RNF169: variants seen among roughly 807,000 people sequenced by gnomAD.
RNF169 encodes ring finger protein 169, also known as E3 ubiquitin-protein ligase RNF169.
Under a neutral mutation model 53.9 loss-of-function variants are expected in RNF169, and 24 were observed. The observed-to-expected ratio is 0.45, with a 90% CI of 0.32 to 0.63. The LOEUF (loss-of-function observed/expected upper bound fraction) is 0.63. Among genes scored for constraint, RNF169 ranks in the 20% least tolerant of loss-of-function variants. The pLI, the probability that RNF169 is intolerant of heterozygous loss-of-function variation, is 0.04. For synonymous variants in RNF169, 396 were observed against 363.5 expected, an observed-to-expected ratio of 1.09 and a Z score of -1.02; for missense variants, 883 against 906.2, an observed-to-expected ratio of 0.97 and a Z score of 0.33.
chr11:74,756,775 T>C (rs1259140396), intron 1 of RNF169, among the ~76,000 whole-genome samples: 1 of 152,128 alleles, frequency 6.6e-6, no homozygotes, highest in Non-Finnish European at 1.5e-5. Context: ...CTGCAGAAAT[T>C]GGCAGTTGCT....
At chr11:74,764,876 G>C in intron 1 of RNF169, among the ~76,000 whole-genome samples, 1 of 152,216 alleles carries the variant, frequency 6.6e-6, no homozygotes, top group Admixed American at 6.5e-5. Flanking sequence ...TAGGAAGACA[G>C]AGATATTGAT....
intron 2 of RNF169, among the ~76,000 whole-genome samples, chr11:74,805,308 T>C (rs1427307385): frequency 6.6e-6 from 1 of 152,222 alleles, no homozygotes; most frequent in Non-Finnish European, 1.5e-5. Context: ...TGTATATTTT[T>C]ATAATAGGCA....
intron 4 of RNF169, among the ~76,000 whole-genome samples, chr11:74,827,015 T>C (rs2036108259): frequency 6.6e-6 from 1 of 152,178 alleles, no homozygotes; most frequent in African/African-American, 2.4e-5. Flanking sequence ...TCACAGCTCC[T>C]CTAGGCAGTG....
At chr11:74,822,438 G>C (rs1003679439) in intron 4 of RNF169, among the ~76,000 whole-genome samples, 2 of 152,162 alleles carry the variant, frequency 1.3e-5, no homozygotes, top group African/African-American at 4.8e-5. Flanking sequence ...CTTGGCAGTG[G>C]AAATTTTAAG....
chr11:74,796,320 T>C (rs1281303568), intron 2 of RNF169, among the ~76,000 whole-genome samples: 2 of 152,226 alleles, frequency 1.3e-5, no homozygotes, highest in Non-Finnish European at 2.9e-5. Flanking sequence ...TACATCTTAA[T>C]GGAAAGGATT....
chr11:74,799,528 G>A (rs1056674134), intron 2 of RNF169, among the ~76,000 whole-genome samples: 27 of 152,046 alleles, frequency 1.8e-4, no homozygotes, highest in Non-Finnish European at 2.5e-4. Context: ...GTTTTTCCTC[G>A]TCTTATTGTT....
At chr11:74,795,918 A>G (rs2035642856) in intron 2 of RNF169, among the ~76,000 whole-genome samples, 1 of 152,206 alleles carries the variant, frequency 6.6e-6, no homozygotes, top group Non-Finnish European at 1.5e-5. Context: ...TGCCTTTTAA[A>G]AAGACTTTTT....
chr11:74,785,932 T>C (rs1565176776), intron 1 of RNF169, among the ~76,000 whole-genome samples: 2 of 148,762 alleles, frequency 1.3e-5, no homozygotes, highest in South Asian at 2.2e-4. Flanking sequence ...ATTATCTTTG[T>C]TTTCTTTTCT....
chr11:74,822,699 T>G (rs1378339749), intron 4 of RNF169, among the ~76,000 whole-genome samples: 1 of 152,224 alleles, frequency 6.6e-6, no homozygotes, highest in East Asian at 1.9e-4. Flanking sequence ...TGATGACACC[T>G]GTGTCATAGA....
Position 74,748,947 on chromosome 11 carries a change from G to T in RNF169, c.67G>T (p.Gly23Cys). The change falls in exon 1 of 6, where the codon GGC becomes TGC. Residue 23 changes from glycine (G) to cysteine (C), a missense_variant. By Grantham distance (159) the Gly-to-Cys change is radical (BLOSUM62 -3). Transcript: ENST00000299563. Reference sequence around the variant, plus strand: ...GGCAGCAGCCGCTCTGAGTCGGCGGGGCCGGCGGGGCCGCTGTGACGAGAC... The same window carrying T: ...GGCAGCAGCCGCTCTGAGTCGGCGGTGCCGGCGGGGCCGCTGTGACGAGAC... ...AAAAAALSRRGRRGRCDETAA... is the reference protein window; with the variant it reads ...AAAAAALSRRCRRGRCDETAA... 3 of 1,460,612 alleles carry T rather than the reference G, an allele frequency of 2.1e-6. No individual in the cohort carries two copies. The highest frequency in any genetic ancestry group is 2.7e-5 in the South Asian group (2 of 74,900). The allele number at this position is 1,460,612 out of a possible 1,614,324, so 90.5% of individuals were successfully genotyped here. A position where few individuals can be genotyped will look rare whatever the true frequency, so the allele number is the denominator to read the frequency against.
chr11:74,828,626 C>T (rs116917422), intron 4 of RNF169, among the ~76,000 whole-genome samples: 6,718 of 152,152 alleles, frequency 0.044, 247 homozygotes, highest in Middle Eastern at 0.068. Flanking sequence ...CCAAAACAGC[C>T]TGATATTGAT....
chr11:74,822,657 C>G (rs372070914), intron 4 of RNF169, among the ~76,000 whole-genome samples: 1 of 152,124 alleles, frequency 6.6e-6, no homozygotes, highest in African/African-American at 2.4e-5. Flanking sequence ...GGAAAGATCA[C>G]TTCTCTCATT....
At chr11:74,761,873 C>G (rs1319327797) in intron 1 of RNF169, among the ~76,000 whole-genome samples, 2 of 147,752 alleles carry the variant, frequency 1.4e-5, no homozygotes, top group Non-Finnish European at 3.0e-5. Flanking sequence ...TGGGGAAGTT[C>G]TCCTGGATAA....
At chr11:74,802,976 AT>A (rs1421132625) in intron 2 of RNF169, among the ~76,000 whole-genome samples, 1 of 151,966 alleles carries the variant, frequency 6.6e-6, no homozygotes, top group Admixed American at 6.6e-5. Context: ...GCTGGAGTGC[AT>A]TGGGGCAATC....
chr11:74,749,233 C>T lies in RNF169; in HGVS notation c.353C>T (p.Ala118Val), dbSNP rs2034844299. 4 of 1,078,948 alleles carry T rather than the reference C, an allele frequency of 3.7e-6. No homozygotes were observed. Among genetic ancestry groups the T allele is most frequent in the Admixed American group, 5.2e-5 (1 of 19,088 alleles). 66.8% of individuals were successfully genotyped at this position (1,078,948 alleles called of 1,614,324 possible). A position where few individuals can be genotyped will look rare whatever the true frequency, so the allele number is the denominator to read the frequency against. ...GGCCCAGGCTGGGCCCGCCGTCGGGCCCGCGACGACGGCCAGGCCGACTCA... is the reference window on the plus strand; with the variant it reads ...GGCCCAGGCTGGGCCCGCCGTCGGGTCCGCGACGACGGCCAGGCCGACTCA... ...ARGPGWARRR[A>V]RDDGQADSEV... The change falls in exon 1 of 6, where the codon GCC (alanine) becomes GTC (valine). Residue 118 changes from alanine to valine, a missense_variant. By Grantham distance (64) the Ala-to-Val change is moderately conservative. Coordinates refer to ENST00000299563, the MANE Select transcript of RNF169 (RefSeq NM_001098638.2).
chr11:74,809,075 T>C (rs147483452), intron 2 of RNF169, among the ~76,000 whole-genome samples: 1 of 152,154 alleles, frequency 6.6e-6, no homozygotes, highest in East Asian at 1.9e-4. Context: ...TAAGGCTTTG[T>C]TGTTGTTTAT....
At chr11:74,764,109 A>C (rs184794706) in intron 1 of RNF169, among the ~76,000 whole-genome samples, 11 of 152,370 alleles carry the variant, frequency 7.2e-5, no homozygotes, top group Non-Finnish European at 1.3e-4. Flanking sequence ...GTATAACCAA[A>C]AATGAAAGAC....
chr11:74,827,972 G>C (rs1373658120), intron 4 of RNF169, among the ~76,000 whole-genome samples: 1 of 152,194 alleles, frequency 6.6e-6, no homozygotes, highest in Admixed American at 6.5e-5. Flanking sequence ...AGTATTGGAA[G>C]TTCTAGCCAG....
rs78685579 is a variant in RNF169, at chr11:74,764,006, C to G, written c.502+14624C>G. On this transcript the variant is annotated intron_variant, in intron 1 of 5. Transcript: ENST00000299563. ...GCATTACAAGCGTGAGCCACTGCAC[C>G]TGGTACCTAGCAAGAATTAACAACA... 4.2e-3 allele frequency among the ~76,000 whole-genome samples: 642 copies of G among 152,296 alleles called. 3 individuals carry two copies. The highest frequency in any genetic ancestry group is 0.015 in the African/African-American group (611 of 41,560).
Sources: allele counts gnomAD v4.1 joint callset (sites outside exome capture counted in the v4.1 genomes callset), GRCh38; gene constraint gnomAD v4.1.1; transcripts MANE v1.5; gene names NCBI Gene and HGNC (gene_info 2026-07-23, HGNC 2026-07-21).